Variants in STXBP3 observed in about 807,000 individuals in gnomAD.
STXBP3 encodes syntaxin binding protein 3, also known as syntaxin-binding protein 3.
A neutral mutation model predicts 85.7 loss-of-function variants in STXBP3; 41 were observed. That is an observed-to-expected ratio of 0.48 (90% CI 0.37 to 0.62). STXBP3 has a LOEUF of 0.62. Among genes scored for constraint, STXBP3 ranks in the 20% least tolerant of loss-of-function variants. STXBP3 has a pLI of 0.00. For synonymous variants in STXBP3, 229 were observed against 231.7 expected, an observed-to-expected ratio of 0.99 and a Z score of 0.10; for missense variants, 563 against 703.1, an observed-to-expected ratio of 0.80 and a Z score of 2.25.
At chr1:108,773,040 G>T (rs186747926) in intron 7 of STXBP3, among the ~76,000 whole-genome samples, 2 of 151,998 alleles carry the variant, frequency 1.3e-5, no homozygotes, top group African/African-American at 2.4e-5. Flanking sequence ...TACAATTTAC[G>T]GACGGTTTTT....
chr1:108,771,566 A>C (rs868291318), intron 6 of STXBP3, among the ~76,000 whole-genome samples: 1 of 28,110 alleles, frequency 3.6e-5, no homozygotes, highest in African/African-American at 1.8e-4. Context: ...ATGATATATA[A>C]ATATATATGA....
chr1:108,793,071 A>C, intron 11 of STXBP3, among the ~76,000 whole-genome samples: 1 of 141,872 alleles, frequency 7.0e-6, no homozygotes, highest in South Asian at 2.3e-4. Context: ...CTCTTTACAC[A>C]TTTTTGGGTT....
At chr1:108,753,002 C>A (rs982819309) in intron 2 of STXBP3, 61 bp from the exon 3 acceptor site, 4 of 1,325,238 alleles carry the variant, frequency 3.0e-6, no homozygotes, top group African/African-American at 1.5e-5. Flanking sequence ...GGATAAAATT[C>A]TTTTTTTCAT....
At chr1:108,750,888 T>C (rs1041082997) in intron 1 of STXBP3, among the ~76,000 whole-genome samples, 4 of 152,158 alleles carry the variant, frequency 2.6e-5, no homozygotes, top group African/African-American at 7.2e-5. Context: ...CTATTACCAG[T>C]TTATTACAAA....
At chr1:108,753,304 AG>A (rs1393579076) in intron 3 of STXBP3, 160 bp downstream of exon 3, 1 of 441,548 alleles carries the variant, frequency 2.3e-6, no homozygotes, top group African/African-American at 2.4e-5. Flanking sequence ...ATCTTCTGTC[AG>A]TTTTTTTCCC....
rs1663147709 is a variant in STXBP3, at chr1:108,798,053, C to T, written c.1357-92C>T. On this transcript the variant is annotated intron_variant, in intron 15 of 18. Transcript: ENST00000370008. ...TAAGTCAAATACAATATAGTATTTA[C>T]TGGTAAATTAAATATCTTCGTTAGG... 6.5e-6 allele frequency: 7 copies of T among 1,070,526 alleles called. No homozygotes were observed. In the Admixed American group the frequency reaches 1.6e-4, roughly 24 times the overall value. 66.3% of individuals were successfully genotyped at this position (1,070,526 alleles called of 1,614,324 possible).
In STXBP3 at chr1:108,796,675, G is replaced by A; in HGVS notation, c.1305G>A (p.Glu435=). 6.2e-7 allele frequency: 1 copy of A among 1,613,654 alleles called. No individual in the cohort carries two copies. The highest frequency in any genetic ancestry group is 1.1e-5 in the South Asian group (1 of 91,002). Residue 435 remains glutamate (E), a synonymous_variant, in exon 15 of 19, where the codon GAG becomes GAA. Coordinates refer to ENST00000370008, the MANE Select transcript of STXBP3 (RefSeq NM_007269.4). ...RLIQNVKIEN[E]SDMIRNWSYL... ...TCCAGAATGTAAAGATAGAAAATGAGAGTGACATGATTCGTAACTGGAGTT... is the reference window on the plus strand; with the variant it reads ...TCCAGAATGTAAAGATAGAAAATGAAAGTGACATGATTCGTAACTGGAGTT...
intron 1 of STXBP3, among the ~76,000 whole-genome samples, chr1:108,747,234 G>A (rs887585632): frequency 3.6e-5 from 5 of 137,328 alleles, no homozygotes; most frequent in South Asian, 2.3e-4. Context: ...AGTTTGCAAG[G>A]ACTGTTTATT....
At chr1:108,765,977 C>T (rs1159610023) in intron 6 of STXBP3, among the ~76,000 whole-genome samples, 3 of 151,014 alleles carry the variant, frequency 2.0e-5, no homozygotes, top group Admixed American at 6.6e-5. Flanking sequence ...TTCAGCCTCC[C>T]GAGTAGCTGG....
At chr1:108,748,905 A>G (rs1661849705) in intron 1 of STXBP3, among the ~76,000 whole-genome samples, 1 of 152,214 alleles carries the variant, frequency 6.6e-6, no homozygotes, top group African/African-American at 2.4e-5. Flanking sequence ...GGTAGAAGCC[A>G]GTCAGTGGAG....
chr1:108,805,625 A>G (rs932774224), intron 17 of STXBP3, among the ~76,000 whole-genome samples: 19 of 152,118 alleles, frequency 1.2e-4, no homozygotes, highest in Non-Finnish European at 2.4e-4. Context: ...GGGTTTCACC[A>G]TGTTGGCCAG....
intron 13 of STXBP3, among the ~76,000 whole-genome samples, chr1:108,795,637 C>T (rs902108972): frequency 1.3e-5 from 2 of 152,164 alleles, no homozygotes; most frequent in African/African-American, 4.8e-5. Flanking sequence ...TACAGCACAT[C>T]TTAATTCAGA....
chr1:108,797,582 A>G (rs1449018805), intron 15 of STXBP3, among the ~76,000 whole-genome samples: 2 of 150,174 alleles, frequency 1.3e-5, no homozygotes, highest in Admixed American at 6.6e-5. Context: ...TAATTTTTGT[A>G]TTTTTAGTAG....
chr1:108,750,841 G>A (rs1451454255), intron 1 of STXBP3, among the ~76,000 whole-genome samples: 1 of 152,116 alleles, frequency 6.6e-6, no homozygotes, highest in Non-Finnish European at 1.5e-5. Context: ...TTAATTTGCT[G>A]GAATGGCTCA....
chr1:108,748,351 T>C (rs1661836414), intron 1 of STXBP3, among the ~76,000 whole-genome samples: 2 of 151,950 alleles, frequency 1.3e-5, no homozygotes, highest in South Asian at 4.2e-4. Context: ...TGAGACCCCA[T>C]CTCTACAAAA....
intron 6 of STXBP3, among the ~76,000 whole-genome samples, chr1:108,770,813 G>A: frequency 6.6e-6 from 1 of 152,004 alleles, no homozygotes; most frequent in East Asian, 1.9e-4. Context: ...CCAGTTCTTT[G>A]TACATAAGTA....
chr1:108,752,976 G>A (rs1012631747), intron 2 of STXBP3, 87 bp from the exon 3 acceptor site: 20 of 960,348 alleles, frequency 2.1e-5, no homozygotes, highest in Non-Finnish European at 3.0e-5. Flanking sequence ...GTTATAAAAG[G>A]CTTATAAAGT....
At chr1:108,788,076 G>A (rs1299651610) in intron 11 of STXBP3, among the ~76,000 whole-genome samples, 1 of 152,182 alleles carries the variant, frequency 6.6e-6, no homozygotes, top group African/African-American at 2.4e-5. Context: ...ACAGGCGTGA[G>A]CCACCACACC....
chr1:108,792,689 C>G (rs1465236042), intron 11 of STXBP3, among the ~76,000 whole-genome samples: 1 of 152,044 alleles, frequency 6.6e-6, no homozygotes, highest in Non-Finnish European at 1.5e-5. Context: ...TTTTATTGTG[C>G]TAGACATGGT....
Sources: allele counts gnomAD v4.1 joint callset (sites outside exome capture counted in the v4.1 genomes callset), GRCh38; gene constraint gnomAD v4.1.1; transcripts MANE v1.5; gene names NCBI Gene and HGNC (gene_info 2026-07-23, HGNC 2026-07-21).